Variants in RNF223 observed in about 807,000 individuals in gnomAD.
RNF223 encodes ring finger protein 223.
RNF223 carries 10 observed loss-of-function variants against 13.9 expected under a neutral mutation model. The observed-to-expected ratio is 0.72, with a 90% CI of 0.44 to 1.22. RNF223 has a LOEUF of 1.22. RNF223 is among the 50% of genes most tolerant of loss of function. The pLI is 0.00. For missense variants in RNF223, 379 were observed against 380.0 expected (o/e 1.00, Z 0.02); for synonymous variants, 168 against 173.3 (o/e 0.97, Z 0.24).
In RNF223 at chr1:1,071,946, G is replaced by T. The variant is rs918672795; in HGVS notation, c.621C>A (p.Leu207=). Residue 207 remains leucine, a synonymous_variant, in exon 2 of 2, where the codon CTC becomes CTA. Coordinates refer to ENST00000453464, the MANE Select transcript of RNF223 (RefSeq NM_001205252.2). ...MALVSALLLM[L]FCVALWPVQC... ...GCACCGGCCAGAGTGCCACACAGAA[G>T]AGCATCAGCAGCAGGGCAGAGACCA... is the stretch of plus-strand genomic sequence containing the variant. 7.8e-6 allele frequency: 12 copies of T among 1,534,018 alleles called. No individual in the cohort carries two copies. Among genetic ancestry groups the T allele is most frequent in the Admixed American group, 2.0e-5 (1 of 50,914 alleles).
At position 1,072,187 on chromosome 1, in the gene RNF223, G is replaced by A. The variant is rs757668544; in HGVS notation, c.380C>T (p.Ala127Val). 4.4e-4 allele frequency: 662 copies of A among 1,503,104 alleles called. No individual in the cohort carries two copies. The highest frequency in any genetic ancestry group is 5.4e-4 in the Non-Finnish European group (609 of 1,132,390). The allele number at this position is 1,503,104 out of a possible 1,614,324, so 93.1% of individuals were successfully genotyped here. ...CACAGGCTCCTCACGCCGCAAATGC[G>A]CCGGCATCCGGGCCTGCAGCTGGCG... The part of the protein sequence containing the change: ...TSRQLQARMP[A>V]HLRREEPVWL... Residue 127 changes from alanine to valine, a missense_variant, in exon 2 of 2, where the codon GCG becomes GTG. Coordinates refer to ENST00000453464, the MANE Select transcript of RNF223 (RefSeq NM_001205252.2).
chr1:1,072,629 T>G, intron 1 of RNF223, 54 bp from the exon 2 acceptor site: 2 of 1,346,992 alleles, frequency 1.5e-6, no homozygotes, highest in Non-Finnish European at 2.0e-6. Context: ...TCTGGTGGTG[T>G]TTTATCTCTC....
In RNF223 at chr1:1,072,459, G is replaced by T; in HGVS notation, c.108C>A (p.Ser36=). Residue 36 remains serine, a synonymous_variant, in exon 2 of 2, where the codon TCC becomes TCA. Transcript: ENST00000453464. Reference sequence around the variant, plus strand: ...CCCTCTCCGAGCCAGGGGTGCCAGGGGACCTGGGGCTGCCGGCCGAGCTGG... The same window carrying T: ...CCCTCTCCGAGCCAGGGGTGCCAGGTGACCTGGGGCTGCCGGCCGAGCTGG... ...RSPSSAGSPR[S]PGTPGSERVA... 6.6e-7 allele frequency: 1 copy of T among 1,523,774 alleles called. No homozygotes were observed. Among genetic ancestry groups the T allele is most frequent in the Non-Finnish European group, 8.8e-7 (1 of 1,141,828 alleles). The allele number at this position is 1,523,774 out of a possible 1,614,324, so 94.4% of individuals were successfully genotyped here.
intron 1 of RNF223, among the ~76,000 whole-genome samples, chr1:1,072,929 C>T (rs1233490903): frequency 2.6e-5 from 4 of 152,218 alleles, no homozygotes; most frequent in Non-Finnish European, 4.4e-5. Context: ...GTGAGGATGA[C>T]AATAGCCACA....
rs745449702 is a variant in RNF223 at position 1,071,904 on chromosome 1, G to A, written c.663C>T (p.Thr221=). 136 of 1,533,984 alleles carry A rather than the reference G, an allele frequency of 8.9e-5. No individual in the cohort carries two copies. The highest frequency in any genetic ancestry group is 2.9e-5 in the Non-Finnish European group (33 of 1,146,030). ...GCAGGGGCAGGCAGCGCAGGTTCCCGGTCTTGAGCGCGCACTGCACCGGCC... is the reference window on the plus strand; with the variant it reads ...GCAGGGGCAGGCAGCGCAGGTTCCCAGTCTTGAGCGCGCACTGCACCGGCC... ...ALWPVQCALK[T]GNLRCLPLPP... Residue 221 remains threonine, a synonymous_variant, in exon 2 of 2, where the codon ACC becomes ACT. Transcript: ENST00000453464.
chr1:1,073,636 C>T (rs1268057335), intron 1 of RNF223, among the ~76,000 whole-genome samples: 3 of 152,254 alleles, frequency 2.0e-5, no homozygotes, highest in East Asian at 1.9e-4. Context: ...ACCCAGGATC[C>T]GCTGCAGGGA....
At position 1,072,072 on chromosome 1, in the gene RNF223, G is replaced by A. The variant is rs1306401947; in HGVS notation, c.495C>T (p.Ser165=). ...PGFVCVDVGL[S]KPAEPPAPAR... is the part of the protein sequence containing the mutation. ...CGGGCGCGGGCGGCTCGGCAGGCTT[G>A]CTCAAACCCACGTCCACGCATACGA... Residue 165 remains serine, a synonymous_variant, in exon 2 of 2, where the codon AGC becomes AGT. Transcript: ENST00000453464. 3 of 1,503,496 alleles carry A rather than the reference G, an allele frequency of 2.0e-6. No homozygotes were observed. Among genetic ancestry groups the A allele is most frequent in the Non-Finnish European group, 1.8e-6 (2 of 1,133,094 alleles). 93.1% of individuals were successfully genotyped at this position (1,503,496 alleles called of 1,614,324 possible).
intron 1 of RNF223, among the ~76,000 whole-genome samples, chr1:1,073,735 C>T (rs898185621): frequency 6.6e-6 from 1 of 152,082 alleles, no homozygotes; most frequent in Non-Finnish European, 1.5e-5. Flanking sequence ...GCCCAGGAGG[C>T]TGCCCCAGAA....
intron 1 of RNF223, among the ~76,000 whole-genome samples, chr1:1,072,873 G>A (rs1645652989): frequency 6.6e-6 from 1 of 152,218 alleles, no homozygotes; most frequent in African/African-American, 2.4e-5. Flanking sequence ...ACCTCCTGTT[G>A]GCCCTGCCCC....
rs767040002 is a variant in RNF223 at position 1,072,230 on chromosome 1, G to T, written c.337C>A (p.Pro113Thr). The T allele has an allele frequency of 2.1e-6, 3 of 1,457,200 alleles. No homozygotes were observed. The allele number at this position is 1,457,200 out of a possible 1,614,324, so 90.3% of individuals were successfully genotyped here. A position where few individuals can be genotyped will look rare whatever the true frequency, so the allele number is the denominator to read the frequency against. Residue 113 changes from proline (P) to threonine (T), a missense_variant, in exon 2 of 2, where the codon CCC (proline) becomes ACC (threonine). Pro to Thr is a conservative substitution (Grantham distance 38). Transcript: ENST00000453464. ...QPTAVPPAGA[P>T]ALCTSRQLQA... ...AGCTGGCGGCTGGTGCACAGCGCGGGGGCTCCGGCGGGCGGCACGGCCGTG... is the reference window on the plus strand; with the variant it reads ...AGCTGGCGGCTGGTGCACAGCGCGGTGGCTCCGGCGGGCGGCACGGCCGTG...
Position 1,071,918 on chromosome 1 carries a change from A to T in RNF223, c.649T>A (p.Cys217Ser). 6.5e-7 allele frequency: 1 copy of T among 1,534,350 alleles called. No individual in the cohort carries two copies. The highest frequency in any genetic ancestry group is 8.7e-7 in the Non-Finnish European group (1 of 1,146,130). The change falls in exon 2 of 2, where the codon TGC becomes AGC. Residue 217 changes from cysteine to serine, a missense_variant. Cys to Ser is a moderately radical substitution (Grantham distance 112). Transcript: ENST00000453464. ...CGCAGGTTCCCGGTCTTGAGCGCGCACTGCACCGGCCAGAGTGCCACACAG... is the reference window on the plus strand; with the variant it reads ...CGCAGGTTCCCGGTCTTGAGCGCGCTCTGCACCGGCCAGAGTGCCACACAG... ...LFCVALWPVQCALKTGNLRCL... is the reference protein window; with the variant it reads ...LFCVALWPVQSALKTGNLRCL...
In RNF223 at chr1:1,071,963, C is replaced by G; in HGVS notation, c.604G>C (p.Ala202Pro). 6.5e-7 allele frequency: 1 copy of G among 1,533,516 alleles called. No homozygotes were observed. The highest frequency in any genetic ancestry group is 1.4e-5 in the African/African-American group (1 of 72,824). The allele number at this position is 1,533,516 out of a possible 1,614,324, so 95.0% of individuals were successfully genotyped here. Residue 202 changes from alanine (A) to proline (P), a missense_variant, in exon 2 of 2, where the codon GCC (alanine) becomes CCC (proline). Ala to Pro is a conservative substitution (Grantham distance 27). Transcript: ENST00000453464. ...RDWRRMALVS[A>P]LLLMLFCVAL... ...ACACAGAAGAGCATCAGCAGCAGGG[C>G]AGAGACCAGTGCCATGCGCCTCCAG...
chr1:1,072,609 G>C (rs1459993135), intron 1 of RNF223, 34 bp from the exon 2 acceptor site: 1 of 1,429,466 alleles, frequency 7.0e-7, no homozygotes, highest in African/African-American at 1.5e-5. Flanking sequence ...GCAATCACCG[G>C]CCGCCCCTTT....
chr1:1,072,675 ACT>A (rs1304460760), intron 1 of RNF223, 100 bp from the exon 2 acceptor site: 2 of 1,038,762 alleles, frequency 1.9e-6, no homozygotes, highest in African/African-American at 1.7e-5. Context: ...CCAGGGAAGG[ACT>A]CTGTTTCCTG....
rs1645650996 is a variant in RNF223 at position 1,072,591 on chromosome 1, T to C, written c.-9-16A>G. ...TGTCTCTGAGCTGTGGGACAGGGAC[T>C]GTGGTAAGCAATCACCGGCCGCCCC... On this transcript the variant is annotated splice_polypyrimidine_tract_variant and intron_variant, in intron 1 of 1. Coordinates refer to ENST00000453464, the MANE Select transcript of RNF223 (RefSeq NM_001205252.2). 1 of 1,461,264 alleles carries C rather than the reference T, an allele frequency of 6.8e-7. No individual in the cohort carries two copies. Among genetic ancestry groups the C allele is most frequent in the Non-Finnish European group, 9.0e-7 (1 of 1,111,536 alleles). The allele number at this position is 1,461,264 out of a possible 1,614,324, so 90.5% of individuals were successfully genotyped here.
rs1343672536 is a variant in RNF223 at position 1,071,651 on chromosome 1, T to C, written c.*166A>G. ...GAGAATGAGGGGTGGACAAGCTAAA[T>C]GGAGCCTGGTCTTGGTGGGGCCCCG... On this transcript the variant is annotated 3_prime_UTR_variant, in exon 2 of 2. Coordinates refer to ENST00000453464, the MANE Select transcript of RNF223 (RefSeq NM_001205252.2). The C allele has an allele frequency of 9.0e-6, 5 of 555,376 alleles. No individual in the cohort carries two copies. Among genetic ancestry groups the C allele is most frequent in the African/African-American group, 6.0e-5 (3 of 50,270 alleles). 34.4% of individuals were successfully genotyped at this position (555,376 alleles called of 1,614,324 possible). A position where few individuals can be genotyped will look rare whatever the true frequency, so the allele number is the denominator to read the frequency against.
chr1:1,073,256 T>C (rs555809618), intron 1 of RNF223, among the ~76,000 whole-genome samples: 1 of 152,150 alleles, frequency 6.6e-6, no homozygotes, highest in Non-Finnish European at 1.5e-5. Flanking sequence ...CCCGGGGGCT[T>C]TGGGACGACA....
rs749463833 is a variant in RNF223 at position 1,071,416 on chromosome 1, C to T, written c.*401G>A. 1.7e-4 allele frequency: 28 copies of T among 160,072 alleles called. No individual in the cohort carries two copies. The highest frequency in any genetic ancestry group is 1.8e-4 in the East Asian group (1 of 5,480). The allele number at this position is 160,072 out of a possible 1,614,324, so 9.9% of individuals were successfully genotyped here. On this transcript the variant is annotated 3_prime_UTR_variant, in exon 2 of 2. Coordinates refer to ENST00000453464, the MANE Select transcript of RNF223 (RefSeq NM_001205252.2). ...CTCCCCAGTAGCTAAGAGGCACCCACCACGATGCCCGGTTAATTTTTGTAT... is the reference window on the plus strand; with the variant it reads ...CTCCCCAGTAGCTAAGAGGCACCCATCACGATGCCCGGTTAATTTTTGTAT...
Position 1,072,241 on chromosome 1 carries a change from G to T in RNF223, c.326C>A (p.Pro109His). The T allele has an allele frequency of 5.5e-6, 8 of 1,447,986 alleles. No individual in the cohort carries two copies. The highest frequency in any genetic ancestry group is 6.3e-6 in the Non-Finnish European group (7 of 1,107,704). 89.7% of individuals were successfully genotyped at this position (1,447,986 alleles called of 1,614,324 possible). ...GGTGCACAGCGCGGGGGCTCCGGCG[G>T]GCGGCACGGCCGTGGGCTGCCTGCA... ...PFCRQPTAVPPAGAPALCTSR... is the reference protein window; with the variant it reads ...PFCRQPTAVPHAGAPALCTSR... Residue 109 changes from proline (P) to histidine (H), a missense_variant, in exon 2 of 2, where the codon CCC becomes CAC. Transcript: ENST00000453464.
Sources: gnomAD v4.1 joint callset for allele counts (sites outside exome capture counted in the v4.1 genomes callset) on GRCh38, gnomAD v4.1.1 for gene constraint, MANE v1.5 for transcripts, NCBI Gene and HGNC (gene_info 2026-07-23, HGNC 2026-07-21) for gene names.